Variants in DMD observed in about 807,000 individuals in gnomAD.
The protein encoded by DMD is dystrophin, also known as mutant dystrophin.
Under a neutral mutation model 330.1 loss-of-function variants are expected in DMD, and 63 were observed. That is an observed-to-expected ratio of 0.19 (90% CI 0.16 to 0.24). The LOEUF is 0.24. Ranked by LOEUF, DMD falls within the 10% of genes least tolerant of loss-of-function variation. DMD has a pLI of 1.00. For synonymous variants in DMD, 1,223 were observed against 959.8 expected (o/e 1.27, Z -5.07); for missense variants, 3,344 against 2,684.1 (o/e 1.25, Z -5.43).
rs1033451075 is a variant in DMD at position 31,209,447 on chromosome X, C to T, written c.9563+51G>A. On this transcript the variant is annotated intron_variant, in intron 65 of 78. Coordinates refer to ENST00000357033, the MANE Select transcript of DMD (RefSeq NM_004006.3). ...GCTAATTACACTTCACCATTCTGTA[C>T]GCTAAGCCTCCTGTGACAGAGCCCG... 2.6e-5 allele frequency: 30 copies of T among 1,143,883 alleles called. No individual in the cohort carries two copies. In the African/African-American group the frequency reaches 2.9e-4, roughly 11 times the overall value. The allele number at this position is 1,143,883 out of a possible 1,213,427, so 94.3% of individuals were successfully genotyped here. A position where few individuals can be genotyped will look rare whatever the true frequency, so the allele number is the denominator to read the frequency against.
rs776489075 is a variant in DMD at position 31,215,240 on chromosome X, C to T, written c.9362-5541G>A. Among the ~76,000 whole-genome samples, 31 of 106,662 alleles carry T rather than the reference C, an allele frequency of 2.9e-4. No homozygotes were observed. In the South Asian group the frequency reaches 9.4e-3, roughly 32 times the overall value. The allele number at this position is 106,662 out of a possible 115,157, so 92.6% of individuals were successfully genotyped here. On this transcript the variant is annotated intron_variant, in intron 64 of 78. Coordinates refer to ENST00000357033, the MANE Select transcript of DMD (RefSeq NM_004006.3). ...ACAGGCGTGAGCCACCGAGCCCAGC[C>T]GATACTTTTTTTTTTTTTTAAAGGG...
At chrX:31,227,999 T>C (rs1480561633) in intron 63 of DMD, among the ~76,000 whole-genome samples, 1 of 105,275 alleles carries the variant, frequency 9.5e-6, no homozygotes, top group East Asian at 3.0e-4. Context: ...CAGTAAACTA[T>C]CGCAAGAACA....
chrX:31,160,385 A>G (rs895951112), intron 74 of DMD, among the ~76,000 whole-genome samples: 1 of 111,538 alleles, frequency 9.0e-6, no homozygotes, highest in Non-Finnish European at 1.9e-5. Flanking sequence ...CTTTTGTGCG[A>G]AAAATCCAGG....
intron 55 of DMD, among the ~76,000 whole-genome samples, chrX:31,541,836 C>T (rs1258023663): frequency 1.8e-5 from 2 of 111,152 alleles, no homozygotes; most frequent in African/African-American, 3.3e-5. Flanking sequence ...AATGAAAATA[C>T]GGTGTCCAAA....
At chrX:32,271,461 A>T (rs1293236367) in intron 43 of DMD, among the ~76,000 whole-genome samples, 1 of 112,980 alleles carries the variant, frequency 8.9e-6, no homozygotes, top group African/African-American at 3.2e-5. Context: ...GATATTTTCA[A>T]GAGGAATTTG....
chrX:31,185,120 T>A (rs968684288), intron 67 of DMD, among the ~76,000 whole-genome samples: 4 of 110,591 alleles, frequency 3.6e-5, no homozygotes, highest in Non-Finnish European at 7.6e-5. Flanking sequence ...ATAATAAAAA[T>A]AAAATAAAAA....
chrX:32,671,969 T>C (rs1445616890), intron 9 of DMD, among the ~76,000 whole-genome samples: 1 of 111,444 alleles, frequency 9.0e-6, no homozygotes, highest in Non-Finnish European at 1.9e-5. Flanking sequence ...CTTTATATGA[T>C]AAAATGAAAA....
At chrX:31,166,754 G>A (rs1215641359) in intron 74 of DMD, among the ~76,000 whole-genome samples, 1 of 111,623 alleles carries the variant, frequency 9.0e-6, no homozygotes, top group Non-Finnish European at 1.9e-5. Flanking sequence ...GCTGTTTTCA[G>A]GAAGGGAACT....
At chrX:32,707,075 G>A (rs774948692) in intron 7 of DMD, among the ~76,000 whole-genome samples, 37 of 108,208 alleles carry the variant, frequency 3.4e-4, no homozygotes, top group African/African-American at 1.1e-3. Flanking sequence ...CTGGGAAACA[G>A]AGCAAGACTC....
At chrX:32,537,140 A>G (rs1050821137) in intron 17 of DMD, among the ~76,000 whole-genome samples, 1 of 111,785 alleles carries the variant, frequency 8.9e-6, no homozygotes, top group Admixed American at 9.5e-5. Context: ...AGGATGTACC[A>G]TTCTTAGAGA....
chrX:32,940,911 A>G (rs1456900451), intron 2 of DMD, among the ~76,000 whole-genome samples: 1 of 111,527 alleles, frequency 9.0e-6, no homozygotes, highest in Non-Finnish European at 1.9e-5. Flanking sequence ...ATATCACACA[A>G]AGGTTCAATA....
chrX:32,841,616 A>G (rs2080167192), intron 4 of DMD, among the ~76,000 whole-genome samples: 1 of 112,185 alleles, frequency 8.9e-6, no homozygotes, highest in Admixed American at 9.5e-5. Flanking sequence ...TATTTTTAAT[A>G]AATGGTGTGT....
At chrX:33,139,019 AC>A (rs1364917630) in intron 1 of DMD, among the ~76,000 whole-genome samples, 1 of 111,115 alleles carries the variant, frequency 9.0e-6, no homozygotes, top group East Asian at 2.9e-4. Context: ...CACACATAAA[AC>A]CAGTCCGGGA....
intron 26 of DMD, among the ~76,000 whole-genome samples, chrX:32,452,899 C>T (rs2148334021): frequency 9.0e-6 from 1 of 111,140 alleles, no homozygotes; most frequent in African/African-American, 3.3e-5. Flanking sequence ...AGGCAGATTT[C>T]TTTCTCTTCC....
intron 17 of DMD, among the ~76,000 whole-genome samples, chrX:32,520,844 CTTT>C (rs746203243): frequency 5.7e-5 from 5 of 87,924 alleles, no homozygotes; most frequent in African/African-American, 2.1e-4. Flanking sequence ...TCCTGCCATA[CTTT>C]TTTTTTTTTT....
At position 33,026,231 on chromosome X, in the gene DMD, C is replaced by T. The variant is rs886354976; in HGVS notation, c.32-6031G>A. Among the ~76,000 whole-genome samples, 3 of 93,424 alleles carry T rather than the reference C, an allele frequency of 3.2e-5. 1 individual carries two copies. Among genetic ancestry groups the T allele is most frequent in the South Asian group, 6.1e-4 (1 of 1,644 alleles). The allele number at this position is 93,424 out of a possible 115,157, so 81.1% of individuals were successfully genotyped here. A position where few individuals can be genotyped will look rare whatever the true frequency, so the allele number is the denominator to read the frequency against. On this transcript the variant is annotated intron_variant, in intron 1 of 78. Transcript: ENST00000357033. ...GCGCCTGTAGTCCCAGCTACTGGGG[C>T]GTGAACCTGGGAGGCGCAACTTGCA...
At chrX:32,621,482 CTTCTT>C (rs1049296478) in intron 11 of DMD, among the ~76,000 whole-genome samples, 4 of 100,340 alleles carry the variant, frequency 4.0e-5, no homozygotes, top group Admixed American at 1.0e-4. Flanking sequence ...AGTGTTTTAT[CTTCTT>C]TTTTTTTTTT....
chrX:31,753,219 T>A (rs890573940), intron 51 of DMD, among the ~76,000 whole-genome samples: 1 of 111,967 alleles, frequency 8.9e-6, no homozygotes, highest in African/African-American at 3.2e-5. Context: ...TGAACAATGA[T>A]AACTGATATA....
intron 50 of DMD, among the ~76,000 whole-genome samples, chrX:31,781,559 C>T (rs764659519): frequency 4.8e-4 from 54 of 111,958 alleles, no homozygotes; most frequent in Admixed American, 1.0e-3. Context: ...TGACTTTAAA[C>T]ATATCCTTCC....
Sources: allele counts gnomAD v4.1 joint callset (sites outside exome capture counted in the v4.1 genomes callset), GRCh38; gene constraint gnomAD v4.1.1; transcripts MANE v1.5; gene names NCBI Gene and HGNC (gene_info 2026-07-23, HGNC 2026-07-21).